The following ZSCAN5A variants were observed in gnomAD, a reference collection of about 807,000 sequenced individuals.
ZSCAN5A encodes zinc finger and SCAN domain-containing protein 5A.
ZSCAN5A carries 12 observed loss-of-function variants against 23.7 expected under a neutral mutation model. The observed-to-expected ratio is 0.51, with a 90% confidence interval of 0.32 to 0.82. The LOEUF (loss-of-function observed/expected upper bound fraction) is 0.82. ZSCAN5A is among the 40% of genes least tolerant of loss of function. The pLI is 0.03. For synonymous variants in ZSCAN5A, 257 were observed against 239.9 expected (o/e 1.07, Z -0.66); for missense variants, 597 against 617.9 (o/e 0.97, Z 0.36).
chr19:56,301,123 A>G (rs2040201336), intron 2 of ZSCAN5A, among the ~76,000 whole-genome samples: 1 of 152,186 alleles, frequency 6.6e-6, no homozygotes, highest in African/African-American at 2.4e-5. Context: ...CGTGCAAGAA[A>G]GAATTTGAGG....
At chr19:56,238,080 A>ACACATG (rs2035120977) in intron 2 of ZSCAN5A, among the ~76,000 whole-genome samples, 1 of 45,642 alleles carries the variant, frequency 2.2e-5, no homozygotes, top group Admixed American at 2.0e-4. Context: ...ACACACACAG[A>ACACATG]GACACACCCG....
chr19:56,262,324 T>C (rs2037181119), intron 2 of ZSCAN5A, among the ~76,000 whole-genome samples: 2 of 152,034 alleles, frequency 1.3e-5, no homozygotes, highest in South Asian at 4.2e-4. Flanking sequence ...CGGCCCACTT[T>C]TCTAACTTCT....
chr19:56,309,947 C>G (rs2040931586), intron 2 of ZSCAN5A, among the ~76,000 whole-genome samples: 1 of 152,068 alleles, frequency 6.6e-6, no homozygotes, highest in Non-Finnish European at 1.5e-5. Flanking sequence ...GGAATAGGGA[C>G]AAACTTGGTG....
chr19:56,237,848 T>C (rs4625823), intron 2 of ZSCAN5A, among the ~76,000 whole-genome samples: 118,482 of 151,350 alleles, frequency 0.78, 46,469 homozygotes, highest in Middle Eastern at 0.83. Context: ...GCCCGGGAGG[T>C]GGAGGTTGCA....
intron 2 of ZSCAN5A, among the ~76,000 whole-genome samples, chr19:56,237,496 C>G (rs1215550996): frequency 6.6e-6 from 1 of 152,154 alleles, no homozygotes; most frequent in Non-Finnish European, 1.5e-5. Context: ...AGGCTAAACT[C>G]TGATGTTTTG....
At chr19:56,281,753 AGAAG>A in intron 2 of ZSCAN5A, 4 of 971,970 alleles carry the variant, frequency 4.1e-6, no homozygotes, top group Non-Finnish European at 4.9e-6. Flanking sequence ...TTCAACCTAG[AGAAG>A]GAAGGGAATG....
intron 1 of ZSCAN5A, chr19:56,365,644 A>G (rs1377249227): frequency 1.3e-5 from 2 of 152,254 alleles, no homozygotes; most frequent in Non-Finnish European, 1.5e-5. Context: ...GATCTGTCAA[A>G]TAAGTGAGGT....
intron 2 of ZSCAN5A, among the ~76,000 whole-genome samples, chr19:56,234,413 G>T (rs2018863): frequency 0.7 from 106,919 of 151,984 alleles, 37,936 homozygotes; most frequent in East Asian, 0.78. Context: ...CTACTTCTGA[G>T]GGCTCTGAGG....
intron 2 of ZSCAN5A, among the ~76,000 whole-genome samples, chr19:56,270,536 G>A (rs143211545): frequency 6.6e-6 from 1 of 152,256 alleles, no homozygotes; most frequent in African/African-American, 2.4e-5. Context: ...GTGTACTGGA[G>A]CCAGCTTATG....
intron 2 of ZSCAN5A, among the ~76,000 whole-genome samples, chr19:56,238,002 C>CAT (rs1212857457): frequency 0.02 from 445 of 22,732 alleles, 8 homozygotes; most frequent in African/African-American, 0.053. Context: ...CATACGCACA[C>CAT]ATACACACAC....
intron 2 of ZSCAN5A, among the ~76,000 whole-genome samples, chr19:56,247,701 A>ATTTAT (rs2036033354): frequency 1.8e-5 from 2 of 112,452 alleles, no homozygotes; most frequent in Admixed American, 8.7e-5. Flanking sequence ...TTCTTTTATT[A>ATTTAT]TTTTTTTTGA....
At chr19:56,290,920 GA>G (rs1465645973) in intron 2 of ZSCAN5A, among the ~76,000 whole-genome samples, 1 of 152,186 alleles carries the variant, frequency 6.6e-6, no homozygotes, top group African/African-American at 2.4e-5. Flanking sequence ...ACTATCCAAA[GA>G]AGGGAATCTT....
At chr19:56,255,815 G>A (rs1016045938) in intron 2 of ZSCAN5A, among the ~76,000 whole-genome samples, 6 of 152,080 alleles carry the variant, frequency 3.9e-5, no homozygotes, top group African/African-American at 1.4e-4. Flanking sequence ...TGCTAAACTG[G>A]CATCAAAAAG....
chr19:56,237,202 G>T (rs1250828133), intron 2 of ZSCAN5A, among the ~76,000 whole-genome samples: 2 of 152,098 alleles, frequency 1.3e-5, no homozygotes, highest in Admixed American at 6.6e-5. Context: ...TTGTTCTTTT[G>T]TTACTTTGTG....
intron 2 of ZSCAN5A, among the ~76,000 whole-genome samples, chr19:56,252,980 T>G (rs1015171033): frequency 6.6e-6 from 1 of 152,216 alleles, no homozygotes; most frequent in Non-Finnish European, 1.5e-5. Flanking sequence ...CCTCCTGGGA[T>G]ATCCCTCCCA....
rs140608616 is a variant in ZSCAN5A at position 56,323,189 on chromosome 19, C to A, written c.-357-6921G>T. 3.3e-5 allele frequency among the ~76,000 whole-genome samples: 5 copies of A among 151,148 alleles called. No homozygotes were observed. In the East Asian group the frequency reaches 9.8e-4, roughly 30 times the overall value. The stretch of plus-strand genomic sequence containing the variant: ...GATTACAGGCGTGAGCCACCGCGCC[C>A]GGCCTTGGTTTCTTAAAAATATTTT... On this transcript the variant is annotated intron_variant, in intron 2 of 6. Transcript: ENST00000587340.
At chr19:56,302,161 G>A (rs967788266) in intron 2 of ZSCAN5A, 3 of 1,175,438 alleles carry the variant, frequency 2.6e-6, no homozygotes, top group Admixed American at 4.2e-5. Flanking sequence ...GGAAGTGGGG[G>A]CACAGAGGAA....
chr19:56,261,249 G>A (rs910075422), intron 2 of ZSCAN5A, among the ~76,000 whole-genome samples: 2 of 151,990 alleles, frequency 1.3e-5, no homozygotes, highest in Non-Finnish European at 2.9e-5. Flanking sequence ...TTAAGTGACA[G>A]AGACAGGAAT....
chr19:56,223,774 C>T lies in ZSCAN5A; in HGVS notation c.445G>A (p.Glu149Lys), dbSNP rs1205973207. ...IVQDSDIEMA[E>K]APSSVRDDLK... ...TCATCTCTGACACTGGAGGGGGCTT[C>T]AGCCATCTCGATATCTGAGTCCTGC... Residue 149 changes from glutamate (E) to lysine (K), a missense_variant, in exon 4 of 6, where the codon GAA (glutamate) becomes AAA (lysine). Physicochemically the swap from Glu to Lys is moderately conservative, Grantham distance 56. Coordinates refer to ENST00000683990, the MANE Select transcript of ZSCAN5A (RefSeq NM_001322064.3). 1.2e-6 allele frequency: 2 copies of T among 1,613,880 alleles called. No individual in the cohort carries two copies. The highest frequency in any genetic ancestry group is 1.7e-5 in the Admixed American group (1 of 59,996).
Sources: gnomAD v4.1 joint callset for allele counts (sites outside exome capture counted in the v4.1 genomes callset) on GRCh38, gnomAD v4.1.1 for gene constraint, MANE v1.5 for transcripts, NCBI Gene and HGNC (gene_info 2026-07-23, HGNC 2026-07-21) for gene names.